The following NTRK3 variants were observed in gnomAD, a reference collection of about 807,000 sequenced individuals.
NTRK3 encodes the protein NT-3 growth factor receptor.
NTRK3 carries 24 observed loss-of-function variants against 91.7 expected under a neutral mutation model. That is an observed-to-expected ratio of 0.26 (90% confidence interval 0.19 to 0.37). NTRK3 has a LOEUF of 0.37. Ranked by LOEUF, NTRK3 falls within the 10% of genes least tolerant of loss-of-function variation. The pLI, the probability that NTRK3 is intolerant of heterozygous loss-of-function variation, is 1.00. For missense variants in NTRK3, 880 were observed against 1,068.9 expected (o/e 0.82, Z 2.46); for synonymous variants, 483 against 404.0 (o/e 1.20, Z -2.34).
intron 14 of NTRK3, among the ~76,000 whole-genome samples, chr15:88,028,010 G>A (rs1384330905): frequency 6.6e-6 from 1 of 152,132 alleles, no homozygotes; most frequent in East Asian, 1.9e-4. Flanking sequence ...GTTAAAAGAC[G>A]AACAGGGTGT....
At chr15:88,161,047 C>G (rs80298491) in intron 5 of NTRK3, among the ~76,000 whole-genome samples, 2,256 of 152,300 alleles carry the variant, frequency 0.015, 41 homozygotes, top group African/African-American at 0.051. Context: ...CAACACAGTG[C>G]TTAGCACATA....
chr15:88,137,488 CCTCCCCCTG>C (rs2041989367), exon 7 of NTRK3: 1 of 1,614,052 alleles, frequency 6.2e-7, no homozygotes, highest in Non-Finnish European at 8.5e-7. Context: ...TTGAGCTTGG[CCTCCCCCTG>C]CTCCTGCCAG....
intron 14 of NTRK3, among the ~76,000 whole-genome samples, chr15:87,962,490 A>G (rs1046722413): frequency 6.6e-6 from 1 of 152,204 alleles, no homozygotes; most frequent in African/African-American, 2.4e-5. Context: ...GAGAGAAAAC[A>G]TGGCTATCAC....
At chr15:88,175,401 C>G (rs1038046238) in intron 5 of NTRK3, among the ~76,000 whole-genome samples, 3 of 147,308 alleles carry the variant, frequency 2.0e-5, no homozygotes, top group South Asian at 2.2e-4. Context: ...GAGAGAGAGA[C>G]ATAAAGAGAT....
chr15:88,232,531 G>C (rs2051300558), intron 3 of NTRK3, among the ~76,000 whole-genome samples: 1 of 152,214 alleles, frequency 6.6e-6, no homozygotes, highest in Non-Finnish European at 1.5e-5. Flanking sequence ...TTAAATCAAA[G>C]TTTTGGTAAA....
intron 14 of NTRK3, among the ~76,000 whole-genome samples, chr15:87,955,602 G>C (rs1330714605): frequency 6.6e-6 from 1 of 152,210 alleles, no homozygotes; most frequent in Non-Finnish European, 1.5e-5. Flanking sequence ...CTGTGCTTGG[G>C]TCTTAACTGA....
At chr15:88,060,742 G>A (rs941025009) in intron 13 of NTRK3, among the ~76,000 whole-genome samples, 2 of 152,144 alleles carry the variant, frequency 1.3e-5, no homozygotes, top group Admixed American at 6.5e-5. Context: ...GGTAGAAGTG[G>A]AAGCAAGAAG....
chr15:87,880,197 G>A (rs561717804), intron 18 of NTRK3, 73 bp downstream of exon 19: 1 of 1,591,116 alleles, frequency 6.3e-7, no homozygotes, highest in South Asian at 1.1e-5. Flanking sequence ...TTGTTCAGTA[G>A]GTCCAAGTTC....
At chr15:88,077,985 A>G (rs1036966679) in intron 13 of NTRK3, among the ~76,000 whole-genome samples, 2 of 152,234 alleles carry the variant, frequency 1.3e-5, no homozygotes, top group Admixed American at 6.5e-5. Flanking sequence ...CTCCTGGGCT[A>G]CAGGGATCCA....
chr15:88,190,833 A>G (rs895148548), intron 3 of NTRK3, among the ~76,000 whole-genome samples: 1 of 152,234 alleles, frequency 6.6e-6, no homozygotes, highest in Non-Finnish European at 1.5e-5. Flanking sequence ...TAAGTCCTCA[A>G]TTCACTGTGG....
At chr15:87,960,825 C>T (rs1375164449) in intron 14 of NTRK3, among the ~76,000 whole-genome samples, 1 of 152,134 alleles carries the variant, frequency 6.6e-6, no homozygotes, top group Non-Finnish European at 1.5e-5. Flanking sequence ...CCCGTCCTCC[C>T]CTAGAAATTA....
At chr15:88,087,561 G>C (rs180909933) in intron 13 of NTRK3, among the ~76,000 whole-genome samples, 1 of 152,324 alleles carries the variant, frequency 6.6e-6, no homozygotes, top group Non-Finnish European at 1.5e-5. Context: ...AAGCTCAGCA[G>C]ATGCTGAGAC....
intron 13 of NTRK3, among the ~76,000 whole-genome samples, chr15:88,057,943 C>T (rs2045872054): frequency 6.6e-6 from 1 of 152,208 alleles, no homozygotes; most frequent in Admixed American, 6.5e-5. Context: ...GCTGACACAC[C>T]ACTGACACAG....
intron 5 of NTRK3, among the ~76,000 whole-genome samples, chr15:88,176,443 C>A (rs1019502228): frequency 5.3e-5 from 8 of 152,238 alleles, no homozygotes; most frequent in African/African-American, 1.9e-4. Context: ...CCCATATGTC[C>A]CTTCTTTTAA....
At chr15:88,133,476 G>A (rs1005557279) in intron 10 of NTRK3, among the ~76,000 whole-genome samples, 4 of 152,174 alleles carry the variant, frequency 2.6e-5, no homozygotes, top group South Asian at 2.1e-4. Context: ...GCTTCTCTTT[G>A]GAAACAGAAA....
Position 88,240,684 on chromosome 15 carries a change from T to C in NTRK3, c.248+15222A>G, listed in dbSNP as rs901954286. Among the ~76,000 whole-genome samples, 6 of 152,188 alleles carry C rather than the reference T, an allele frequency of 3.9e-5. No homozygotes were observed. The highest frequency in any genetic ancestry group is 7.3e-5 in the Non-Finnish European group (5 of 68,032). ...ACTTAGCCACCCTGTGCCTCAGTTT[T>C]CTCCCCTGTAAAATGAGGATGATCG... On this transcript the variant is annotated intron_variant, in intron 3 of 18. Transcript: ENST00000394480. The surrounding 1 kb of genome is among the most constrained non-coding windows in gnomAD (Gnocchi z 4.9).
intron 17 of NTRK3, among the ~76,000 whole-genome samples, chr15:87,923,820 T>C (rs112112056): frequency 4.0e-5 from 6 of 151,782 alleles, no homozygotes; most frequent in Admixed American, 3.9e-4. Context: ...ATCATGAGAG[T>C]GGGTTTGTTA....
chr15:88,113,229 T>C (rs2051622108), intron 13 of NTRK3, among the ~76,000 whole-genome samples: 1 of 152,010 alleles, frequency 6.6e-6, no homozygotes, highest in South Asian at 2.1e-4. Flanking sequence ...AATCACTTAA[T>C]TAATTGTAGC....
chr15:87,902,970 C>A (rs1005919994), intron 17 of NTRK3, among the ~76,000 whole-genome samples: 3 of 152,120 alleles, frequency 2.0e-5, no homozygotes, highest in Admixed American at 6.5e-5. Flanking sequence ...GGCCATAAAG[C>A]CTCACAGGAC....
Sources: gnomAD v4.1 joint callset for allele counts (sites outside exome capture counted in the v4.1 genomes callset) on GRCh38, gnomAD v4.1.1 for gene constraint, Gnocchi (gnomAD v3.1) non-coding constraint, MANE v1.5 for transcripts, NCBI Gene and HGNC (gene_info 2026-07-23, HGNC 2026-07-21) for gene names.